RERE: variants seen among roughly 807,000 people sequenced by gnomAD.
RERE encodes arginine-glutamic acid dipeptide repeats protein.
In RERE, 40 loss-of-function variants were observed where a neutral mutation model predicts 146.1. The observed-to-expected ratio is 0.27, with a 90% CI of 0.21 to 0.36. The LOEUF is 0.36. Ranked by LOEUF, RERE falls within the 10% of genes least tolerant of loss-of-function variation. The pLI, the probability that RERE is intolerant of heterozygous loss-of-function variation, is 1.00. For missense variants in RERE, 1,933 were observed against 2,138.7 expected, an observed-to-expected ratio of 0.90 and a Z score of 1.90; for synonymous variants, 1,003 against 866.0, an observed-to-expected ratio of 1.16 and a Z score of -2.78.
chr1:8,575,434 T>C (rs1646279623), intron 4 of RERE, among the ~76,000 whole-genome samples: 1 of 145,766 alleles, frequency 6.9e-6, no homozygotes, highest in Non-Finnish European at 1.5e-5. Flanking sequence ...CAGGCTGGAG[T>C]GCACTGGTGC....
At chr1:8,396,537 G>A (rs1643061401) in intron 12 of RERE, among the ~76,000 whole-genome samples, 1 of 152,118 alleles carries the variant, frequency 6.6e-6, no homozygotes, top group Admixed American at 6.5e-5. Context: ...TTCAGCTGTG[G>A]ATAACAACGG....
In RERE at chr1:8,575,381, AC is replaced by A. The variant is rs1396127571; in HGVS notation, c.523-17859del. On this transcript the variant is annotated intron_variant, in intron 4 of 22. Transcript: ENST00000400908. ...CTGATAACAAAGGATGAAAAAAGTAACCTTTTTTTTTTTTTTTTTAAAGACA... is the reference window on the plus strand; with the variant it reads ...CTGATAACAAAGGATGAAAAAAGTAACTTTTTTTTTTTTTTTTTAAAGACA... Among the ~76,000 whole-genome samples the A allele has an allele frequency of 4.6e-4, 67 of 144,874 alleles. 1 individual carries two copies. The highest frequency in any genetic ancestry group is 3.6e-3 in the Middle Eastern group (1 of 280).
intron 3 of RERE, among the ~76,000 whole-genome samples, chr1:8,624,002 C>T (rs761024187): frequency 1.2e-4 from 18 of 152,202 alleles, no homozygotes; most frequent in Non-Finnish European, 2.4e-4. Context: ...AGGCTCTTAA[C>T]AATGGCTGAG....
chr1:8,443,325 G>A (rs1429304865), intron 11 of RERE, among the ~76,000 whole-genome samples: 1 of 151,870 alleles, frequency 6.6e-6, no homozygotes, highest in Admixed American at 6.6e-5. Context: ...AGCCCGGCAT[G>A]ATGGCACACA....
At chr1:8,742,007 T>C (rs564035289) in intron 1 of RERE, among the ~76,000 whole-genome samples, 1 of 152,370 alleles carries the variant, frequency 6.6e-6, no homozygotes, top group Admixed American at 6.5e-5. Flanking sequence ...AATATGAATT[T>C]ATATGATTTC....
At chr1:8,789,301 A>AAAAAAAAAAAAAAATAT in intron 1 of RERE, among the ~76,000 whole-genome samples, 3 of 24,812 alleles carry the variant, frequency 1.2e-4, no homozygotes, top group African/African-American at 2.3e-4. Flanking sequence ...AAAAAAAAAA[A>AAAAAAAAAAAAAAATAT]ATATATATAT....
At position 8,749,284 on chromosome 1, in the gene RERE, T is replaced by C. The variant is rs544209048; in HGVS notation, c.-145+67876A>G. ...CATTGTGAGCTTATTCATTCATTCT[T>C]AAAATATTTCTTGGGAGTTTATTAT... On this transcript the variant is annotated intron_variant, in intron 1 of 22. Transcript: ENST00000400908. 1.1e-4 allele frequency among the ~76,000 whole-genome samples: 16 copies of C among 152,294 alleles called. No homozygotes were observed. In the East Asian group the frequency reaches 3.1e-3, roughly 29 times the overall value.
rs1313783017 is a variant in RERE, at chr1:8,423,799, G to A, written c.1204-992C>T. 31 of 652,384 alleles carry A rather than the reference G, an allele frequency of 4.8e-5. No individual in the cohort carries two copies. The highest frequency in any genetic ancestry group is 7.7e-4 in the Middle Eastern group (1 of 1,304). The allele number at this position is 652,384 out of a possible 1,614,324, so 40.4% of individuals were successfully genotyped here. A position where few individuals can be genotyped will look rare whatever the true frequency, so the allele number is the denominator to read the frequency against. ...GGAGGAGGCAGGAGCGCGGCGCGCAGAGCCCGGCGCGGCCGCGGGCGGCTG... is the reference window on the plus strand; with the variant it reads ...GGAGGAGGCAGGAGCGCGGCGCGCAAAGCCCGGCGCGGCCGCGGGCGGCTG... On this transcript the variant is annotated intron_variant, in intron 11 of 22. Coordinates refer to ENST00000400908, the MANE Select transcript of RERE (RefSeq NM_001042681.2). This position sits in a 1 kb window ranked among gnomAD's most constrained non-coding sequence, Gnocchi z 5.4.
At chr1:8,789,301 A>AAAAAAAAAAAAAAATATATATAT in intron 1 of RERE, among the ~76,000 whole-genome samples, 3 of 24,814 alleles carry the variant, frequency 1.2e-4, no homozygotes, top group African/African-American at 2.3e-4. Context: ...AAAAAAAAAA[A>AAAAAAAAAAAAAAATATATATAT]ATATATATAT....
rs147651960 is a variant in RERE at position 8,390,933 on chromosome 1, T to G, written c.1285-24959A>C. Among the ~76,000 whole-genome samples the G allele has an allele frequency of 7.6e-3, 1,160 of 151,834 alleles. 10 individuals carry two copies. The highest frequency in any genetic ancestry group is 0.027 in the Middle Eastern group (8 of 294). On this transcript the variant is annotated intron_variant, in intron 12 of 22. Transcript: ENST00000400908. Reference sequence around the variant, plus strand: ...CAATCCTGCCTTCCAAAATATTATCTCAAAAAAACAAAACAAAACAAAAAA... The same window carrying G: ...CAATCCTGCCTTCCAAAATATTATCGCAAAAAAACAAAACAAAACAAAAAA...
intron 1 of RERE, chr1:8,753,894 C>T (rs1251977086): frequency 6.6e-6 from 1 of 152,208 alleles, no homozygotes; most frequent in East Asian, 1.9e-4. Flanking sequence ...TTTAACTCTA[C>T]TGGGTCCTCA....
chr1:8,646,930 G>A (rs181853971), intron 2 of RERE, among the ~76,000 whole-genome samples: 2 of 152,258 alleles, frequency 1.3e-5, no homozygotes, highest in Non-Finnish European at 2.9e-5. Flanking sequence ...AGATCAGCCT[G>A]GGCAACATGG....
intron 2 of RERE, among the ~76,000 whole-genome samples, chr1:8,635,706 G>C (rs80231624): frequency 6.6e-6 from 1 of 152,158 alleles, no homozygotes; most frequent in African/African-American, 2.4e-5. Context: ...AAGACCCTTT[G>C]TCTTATAGGC....
chr1:8,448,839 T>TCAAA (rs546856610), intron 11 of RERE, among the ~76,000 whole-genome samples: 2 of 144,330 alleles, frequency 1.4e-5, no homozygotes, highest in African/African-American at 5.2e-5. Context: ...AAACAATCAA[T>TCAAA]CAAACAAACA....
At chr1:8,676,551 C>G (rs1254982250) in intron 1 of RERE, among the ~76,000 whole-genome samples, 1 of 152,012 alleles carries the variant, frequency 6.6e-6, no homozygotes, top group African/African-American at 2.4e-5. Flanking sequence ...TGTTCATAAA[C>G]TAAACTACCA....
In RERE at chr1:8,656,330, G is replaced by A. The variant is rs1192182850; in HGVS notation, c.-33C>T. 6.3e-7 allele frequency: 1 copy of A among 1,590,374 alleles called. No homozygotes were observed. The highest frequency in any genetic ancestry group is 8.6e-7 in the Non-Finnish European group (1 of 1,168,634). ...CACGTGCCTTCTTCTGTCCTCTCAC[G>A]GCTAGGCCTCCGTGAAAGGTAGACA... is the stretch of plus-strand genomic sequence containing the variant. On this transcript the variant is annotated 5_prime_UTR_variant, in exon 2 of 23. Transcript: ENST00000400908.
chr1:8,417,440 T>TCGGCCGGGCGCGGTGG, intron 12 of RERE, among the ~76,000 whole-genome samples: 2 of 152,330 alleles, frequency 1.3e-5, no homozygotes, highest in South Asian at 4.1e-4. Flanking sequence ...AATTTAAATC[T>TCGGCCGGGCGCGGTGG]CTAATACCTT....
chr1:8,431,041 TA>T (rs1644088909), intron 11 of RERE, among the ~76,000 whole-genome samples: 1 of 152,168 alleles, frequency 6.6e-6, no homozygotes, highest in Non-Finnish European at 1.5e-5. Context: ...GTCTTCCAAA[TA>T]CCAACTGAGG....
At chr1:8,568,348 C>G (rs768567730) in intron 4 of RERE, among the ~76,000 whole-genome samples, 2 of 152,210 alleles carry the variant, frequency 1.3e-5, no homozygotes, top group African/African-American at 2.4e-5. Context: ...CTGAGCCATA[C>G]TATCAGCTTC....
Sources: gnomAD v4.1 joint callset for allele counts (sites outside exome capture counted in the v4.1 genomes callset) on GRCh38, gnomAD v4.1.1 for gene constraint, Gnocchi (gnomAD v3.1) non-coding constraint, MANE v1.5 for transcripts, NCBI Gene and HGNC (gene_info 2026-07-23, HGNC 2026-07-21) for gene names.